ACAP2: variants seen among roughly 807,000 people sequenced by gnomAD.
The protein encoded by ACAP2 is arf-GAP with coiled-coil, ANK repeat and PH domain-containing protein 2.
Under a neutral mutation model 115.8 loss-of-function variants are expected in ACAP2, and 39 were observed. That is an observed-to-expected ratio of 0.34 (90% CI 0.26 to 0.44). ACAP2 has a LOEUF of 0.44. Ranked by LOEUF, ACAP2 falls within the 20% of genes least tolerant of loss-of-function variation. ACAP2 has a pLI of 1.00. For missense variants in ACAP2, 662 were observed against 927.6 expected (o/e 0.71, Z 3.72); for synonymous variants, 289 against 315.8 (o/e 0.92, Z 0.90).
chr3:195,336,272 G>T (rs13082563), intron 7 of ACAP2: 5 of 151,766 alleles, frequency 3.3e-5, no homozygotes, highest in Admixed American at 6.6e-5. Context: ...TTGTCAAGTG[G>T]GTGAAGAGGC....
At chr3:195,364,364 G>A (rs1163631414) in intron 4 of ACAP2, among the ~76,000 whole-genome samples, 5 of 152,110 alleles carry the variant, frequency 3.3e-5, no homozygotes, top group Admixed American at 6.6e-5. Context: ...GATCATCAGC[G>A]AACGCAAATC....
At chr3:195,306,682 T>G in intron 12 of ACAP2, 66 bp from the exon 13 acceptor site, 2 of 1,127,454 alleles carry the variant, frequency 1.8e-6, no homozygotes, top group Non-Finnish European at 2.6e-6. Flanking sequence ...CTATAAGCTT[T>G]ATATTTTTTC....
At chr3:195,424,259 G>GTGTA (rs1327989940) in intron 1 of ACAP2, among the ~76,000 whole-genome samples, 1 of 64,180 alleles carries the variant, frequency 1.6e-5, no homozygotes, top group Non-Finnish European at 3.0e-5. Flanking sequence ...GTGTGTGTGT[G>GTGTA]TGTATATATA....
Position 195,276,265 on chromosome 3 carries a change from C to T in ACAP2, c.*3063G>A, listed in dbSNP as rs185690906. ...AAATCTGTATGTCTGGAAAAGTAAC[C>T]AATCAAAGTTCATTAAAATATACAG... On this transcript the variant is annotated 3_prime_UTR_variant, in exon 23 of 23. Coordinates refer to ENST00000326793, the MANE Select transcript of ACAP2 (RefSeq NM_012287.6). The T allele has an allele frequency of 1.3e-5, 2 of 152,162 alleles. No homozygotes were observed. Among genetic ancestry groups the T allele is most frequent in the African/African-American group, 4.8e-5 (2 of 41,498 alleles). 9.4% of individuals were successfully genotyped at this position (152,162 alleles called of 1,614,324 possible).
chr3:195,293,561 A>T (rs1473445996), intron 18 of ACAP2, among the ~76,000 whole-genome samples: 1 of 152,216 alleles, frequency 6.6e-6, no homozygotes, highest in Non-Finnish European at 1.5e-5. Flanking sequence ...ACAACTAAGC[A>T]TCAGGTGTGC....
intron 10 of ACAP2, among the ~76,000 whole-genome samples, chr3:195,311,122 A>C (rs1023489699): frequency 7.2e-6 from 1 of 139,656 alleles, no homozygotes; most frequent in Non-Finnish European, 1.5e-5. Context: ...TTTGAAGCAG[A>C]GTCTCACTCT....
chr3:195,425,026 C>CAAAAAAA (rs10690317), intron 1 of ACAP2, among the ~76,000 whole-genome samples: 1,526 of 26,636 alleles, frequency 0.057, 274 homozygotes, highest in East Asian at 0.15. Context: ...GACTCCGTCT[C>CAAAAAAA]AAAAAAAAAA....
Position 195,276,751 on chromosome 3 carries a change from G to A in ACAP2, c.*2577C>T, listed in dbSNP as rs1027247452. The stretch of plus-strand genomic sequence containing the variant: ...CCATATAAAAGCTATTAGTTGACAT[G>A]GCTAAATTCACCTAAGAGCCAACCT... On this transcript the variant is annotated 3_prime_UTR_variant, in exon 23 of 23. Coordinates refer to ENST00000326793, the MANE Select transcript of ACAP2 (RefSeq NM_012287.6). 1.3e-5 allele frequency: 2 copies of A among 152,118 alleles called. No individual in the cohort carries two copies. The highest frequency in any genetic ancestry group is 4.8e-5 in the African/African-American group (2 of 41,430). The allele number at this position is 152,118 out of a possible 1,614,324, so 9.4% of individuals were successfully genotyped here.
intron 4 of ACAP2, among the ~76,000 whole-genome samples, chr3:195,377,136 ATCT>A (rs1482496981): frequency 6.7e-5 from 6 of 89,758 alleles, no homozygotes; most frequent in African/African-American, 2.8e-4. Context: ...AGGAATGTAA[ATCT>A]TTTTTTTTTT....
rs1024212318 is a variant in ACAP2, at chr3:195,275,628, C to T, written c.*3700G>A. ...AAATAAAGTGCCTCTGACTGGTGGT[C>T]AGTCAGACCTGGGTAATGGTGCCAA... is the stretch of plus-strand genomic sequence containing the variant. On this transcript the variant is annotated 3_prime_UTR_variant, in exon 23 of 23. Coordinates refer to ENST00000326793, the MANE Select transcript of ACAP2 (RefSeq NM_012287.6). 1.3e-5 allele frequency: 2 copies of T among 152,148 alleles called. No individual in the cohort carries two copies. Among genetic ancestry groups the T allele is most frequent in the Non-Finnish European group, 2.9e-5 (2 of 68,022 alleles). The allele number at this position is 152,148 out of a possible 1,614,324, so 9.4% of individuals were successfully genotyped here. A position where few individuals can be genotyped will look rare whatever the true frequency, so the allele number is the denominator to read the frequency against.
Position 195,294,172 on chromosome 3 carries a change from T to C in ACAP2, c.1765+547A>G, listed in dbSNP as rs576653334. On this transcript the variant is annotated intron_variant, in intron 18 of 22. Transcript: ENST00000326793. ...AAATAAATAAAAATTTTAAAAAGTA[T>C]AAACAATATATAGCTAGGACAGAAT... Among the ~76,000 whole-genome samples the C allele has an allele frequency of 6.6e-5, 10 of 151,966 alleles. No homozygotes were observed. In the South Asian group the frequency reaches 1.9e-3, roughly 28 times the overall value.
chr3:195,321,216 C>CTTTTT (rs34165362), intron 9 of ACAP2, among the ~76,000 whole-genome samples: 26 of 102,232 alleles, frequency 2.5e-4, no homozygotes, highest in Non-Finnish European at 3.3e-4. Context: ...TTTATCACAA[C>CTTTTT]TTTTTTTTTT....
chr3:195,330,462 T>A (rs1730094648), intron 8 of ACAP2, among the ~76,000 whole-genome samples: 1 of 152,190 alleles, frequency 6.6e-6, no homozygotes, highest in Admixed American at 6.5e-5. Context: ...CACATAATTT[T>A]TTCAGCTAGT....
At chr3:195,294,944 A>G in intron 17 of ACAP2, 133 bp from the exon 18 acceptor site, 1 of 550,180 alleles carries the variant, frequency 1.8e-6, no homozygotes, top group Non-Finnish European at 3.2e-6. Context: ...TGCATTTAAT[A>G]TAATTTTAAG....
chr3:195,345,350 AAAAGT>A, intron 4 of ACAP2, 33 bp from the exon 5 acceptor site: 1 of 1,324,590 alleles, frequency 7.5e-7, no homozygotes, highest in Non-Finnish European at 1.1e-6. Context: ...AAGTGATTAG[AAAAGT>A]AAACAAAATA....
intron 2 of ACAP2, among the ~76,000 whole-genome samples, chr3:195,386,465 A>C (rs1010140739): frequency 2.0e-5 from 3 of 152,192 alleles, no homozygotes; most frequent in Admixed American, 2.0e-4. Flanking sequence ...AGCAGCCATA[A>C]AAAAGAATGG....
rs1281615674 is a variant in ACAP2, at chr3:195,281,103, T to TA, written c.2237-1676dup. Reference sequence around the variant, plus strand: ...AACAGCATAAGCCAAGATTTTGAATTAAAAAAATGTTAATACTTTTGGCCC... The same window carrying TA: ...AACAGCATAAGCCAAGATTTTGAATTAAAAAAAATGTTAATACTTTTGGCCC... On this transcript the variant is annotated intron_variant, in intron 22 of 22. Coordinates refer to ENST00000326793, the MANE Select transcript of ACAP2 (RefSeq NM_012287.6). Among the ~76,000 whole-genome samples the TA allele has an allele frequency of 2.0e-5, 3 of 152,076 alleles. No homozygotes were observed. In the East Asian group the frequency reaches 5.8e-4, roughly 29 times the overall value.
At chr3:195,349,330 A>C (rs372225240) in intron 4 of ACAP2, among the ~76,000 whole-genome samples, 1 of 152,038 alleles carries the variant, frequency 6.6e-6, no homozygotes, top group Admixed American at 6.6e-5. Flanking sequence ...AAAAATACAA[A>C]ATCAGCCGGG....
chr3:195,354,388 T>C (rs1560278832), intron 4 of ACAP2, among the ~76,000 whole-genome samples: 1 of 152,176 alleles, frequency 6.6e-6, no homozygotes. Context: ...TGATGTGAGA[T>C]GGTATATCTC....
Sources: allele counts gnomAD v4.1 joint callset (sites outside exome capture counted in the v4.1 genomes callset), GRCh38; gene constraint gnomAD v4.1.1; transcripts MANE v1.5; gene names NCBI Gene and HGNC (gene_info 2026-07-23, HGNC 2026-07-21).